EDNRA: variants seen among roughly 807,000 people sequenced by gnomAD.
EDNRA encodes the protein endothelin-1 receptor.
Under a neutral mutation model 41.4 loss-of-function variants are expected in EDNRA, and 11 were observed. The observed-to-expected ratio is 0.27, with a 90% CI of 0.17 to 0.44. EDNRA has a LOEUF of 0.44. Ranked by LOEUF, EDNRA falls within the 20% of genes least tolerant of loss-of-function variation. The pLI is 1.00. For missense variants in EDNRA, 294 were observed against 531.0 expected, an observed-to-expected ratio of 0.55 and a Z score of 4.39; for synonymous variants, 172 against 183.0, an observed-to-expected ratio of 0.94 and a Z score of 0.49.
intron 3 of EDNRA, among the ~76,000 whole-genome samples, chr4:147,524,202 C>T (rs1730447865): frequency 6.6e-6 from 1 of 151,956 alleles, no homozygotes; most frequent in South Asian, 2.1e-4. Flanking sequence ...GTCACTCCTC[C>T]CACAGGCCCA....
intron 3 of EDNRA, among the ~76,000 whole-genome samples, chr4:147,522,805 C>T (rs1730369728): frequency 6.6e-6 from 1 of 152,188 alleles, no homozygotes; most frequent in African/African-American, 2.4e-5. Context: ...AAGACCATGA[C>T]CCGTGACACA....
At chr4:147,514,016 G>A (rs1730011561) in intron 2 of EDNRA, among the ~76,000 whole-genome samples, 5 of 152,200 alleles carry the variant, frequency 3.3e-5, no homozygotes, top group Admixed American at 3.3e-4. Context: ...TCATGGTTGT[G>A]CATAAATGGT....
chr4:147,536,913 A>G (rs544708713), intron 5 of EDNRA, among the ~76,000 whole-genome samples: 1 of 152,330 alleles, frequency 6.6e-6, no homozygotes, highest in African/African-American at 2.4e-5. Flanking sequence ...CATAATATGT[A>G]TGTAATAATA....
chr4:147,528,372 T>TC (rs1374537158), intron 3 of EDNRA, among the ~76,000 whole-genome samples: 15 of 151,082 alleles, frequency 9.9e-5, no homozygotes, highest in African/African-American at 3.2e-4. Context: ...TTTTTTTTTT[T>TC]TTTCAGACAG....
chr4:147,506,301 T>C (rs1365470399), intron 2 of EDNRA: 4 of 456,836 alleles, frequency 8.8e-6, no homozygotes, highest in East Asian at 1.1e-4. Context: ...AGGCCATATA[T>C]GAACAATATT....
intron 3 of EDNRA, among the ~76,000 whole-genome samples, chr4:147,522,203 G>A (rs1730348366): frequency 1.3e-5 from 2 of 152,090 alleles, no homozygotes; most frequent in African/African-American, 4.8e-5. Flanking sequence ...ACCATTTATT[G>A]AATATTACTA....
chr4:147,500,874 G>A (rs940774276), intron 2 of EDNRA, among the ~76,000 whole-genome samples: 10 of 152,174 alleles, frequency 6.6e-5, no homozygotes, highest in African/African-American at 2.4e-4. Flanking sequence ...CTCTCAAAAT[G>A]TGAGGAGTCA....
intron 2 of EDNRA, among the ~76,000 whole-genome samples, chr4:147,497,149 C>CT (rs11330586): frequency 0.028 from 2,083 of 75,162 alleles, 89 homozygotes; most frequent in African/African-American, 0.037. Context: ...TAGAATTCTT[C>CT]TTTTTTTTTT....
chr4:147,539,753 A>G, intron 5 of EDNRA, 64 bp from the exon 6 acceptor site: 2 of 1,545,640 alleles, frequency 1.3e-6, no homozygotes, highest in Non-Finnish European at 1.8e-6. Flanking sequence ...TTGGTACTGT[A>G]GTTCTTGCAT....
chr4:147,520,559 C>G (rs1730288764), intron 3 of EDNRA: 3 of 444,954 alleles, frequency 6.7e-6, no homozygotes, highest in Non-Finnish European at 1.3e-5. Flanking sequence ...CTAAAGAAGC[C>G]CTTCTGAATT....
At chr4:147,513,398 T>C (rs10305893) in intron 2 of EDNRA, among the ~76,000 whole-genome samples, 3 of 152,192 alleles carry the variant, frequency 2.0e-5, no homozygotes, top group Admixed American at 2.0e-4. Context: ...TCTGTCTCAA[T>C]CCTGAAGCAA....
At chr4:147,505,318 T>G (rs1222933502) in intron 2 of EDNRA, among the ~76,000 whole-genome samples, 1 of 145,460 alleles carries the variant, frequency 6.9e-6, no homozygotes, top group Admixed American at 6.8e-5. Context: ...TTTGGCAGTT[T>G]CTTTTTTCAT....
chr4:147,528,409 G>GT (rs1730630903), intron 3 of EDNRA, among the ~76,000 whole-genome samples: 1 of 146,292 alleles, frequency 6.8e-6, no homozygotes, highest in African/African-American at 2.5e-5. Context: ...CCAGGCTGGA[G>GT]TGCAGTGCCA....
At chr4:147,514,312 A>G (rs1464717539) in intron 2 of EDNRA, among the ~76,000 whole-genome samples, 1 of 152,158 alleles carries the variant, frequency 6.6e-6, no homozygotes, top group Non-Finnish European at 1.5e-5. Context: ...AGGGGAGAAC[A>G]GCCTTATTTT....
chr4:147,534,625 A>T (rs1730859025), intron 4 of EDNRA, among the ~76,000 whole-genome samples: 1 of 152,218 alleles, frequency 6.6e-6, no homozygotes, highest in Admixed American at 6.5e-5. Context: ...AATATTATTT[A>T]TGCTCTTCAG....
At chr4:147,513,061 G>C (rs1034533828) in intron 2 of EDNRA, among the ~76,000 whole-genome samples, 1 of 152,138 alleles carries the variant, frequency 6.6e-6, no homozygotes, top group Non-Finnish European at 1.5e-5. Context: ...AAAGGTTAAC[G>C]AGCATGCCAA....
In EDNRA at chr4:147,519,048, A is replaced by G. The variant is rs569429360; in HGVS notation, c.421-803A>G. On this transcript the variant is annotated intron_variant, in intron 2 of 7. Coordinates refer to ENST00000651419, the MANE Select transcript of EDNRA (RefSeq NM_001957.4). The surrounding 1 kb of genome is among the most constrained non-coding windows in gnomAD (Gnocchi z 4.1). The stretch of plus-strand genomic sequence containing the variant: ...GGGTGTCCACTCTTGCCTTGCAAAC[A>G]AGGTTGGAAATTGTCAACATGGAAG... 1.1e-4 allele frequency among the ~76,000 whole-genome samples: 17 copies of G among 152,324 alleles called. No homozygotes were observed. Among genetic ancestry groups the G allele is most frequent in the African/African-American group, 4.1e-4 (17 of 41,582 alleles).
intron 2 of EDNRA, among the ~76,000 whole-genome samples, chr4:147,513,136 G>A (rs1729982733): frequency 6.6e-6 from 1 of 152,064 alleles, no homozygotes; most frequent in African/African-American, 2.4e-5. Context: ...CCAGCTTCAG[G>A]GCCCACGCTC....
At position 147,539,957 on chromosome 4, in the gene EDNRA, T is replaced by C; in HGVS notation, c.1034+7T>C. On this transcript the variant is annotated splice_region_variant and intron_variant, in intron 6 of 7. Coordinates refer to ENST00000651419, the MANE Select transcript of EDNRA (RefSeq NM_001957.4). ...ACCGATGTGAATTACTTAGGTATGA[T>C]CCTGTGTACTCGCTAGAAAATTGGA... 6.3e-7 allele frequency: 1 copy of C among 1,577,104 alleles called. No individual in the cohort carries two copies. The highest frequency in any genetic ancestry group is 1.4e-5 in the African/African-American group (1 of 72,576).
Sources: allele counts gnomAD v4.1 joint callset (sites outside exome capture counted in the v4.1 genomes callset), GRCh38; gene constraint gnomAD v4.1.1; non-coding constraint Gnocchi (gnomAD v3.1); transcripts MANE v1.5; gene names NCBI Gene and HGNC (gene_info 2026-07-23, HGNC 2026-07-21).